CSMD3: variants seen among roughly 807,000 people sequenced by gnomAD.
CSMD3 encodes the protein CUB and sushi domain-containing protein 3.
In CSMD3, 177 loss-of-function variants were observed where a neutral mutation model predicts 435.2. The ratio of observed to expected loss-of-function variants is 0.41; its 90% CI spans 0.36 to 0.46. CSMD3 has a LOEUF of 0.46. CSMD3 is among the 20% of genes least tolerant of loss of function. CSMD3 has a pLI of 0.34. For missense variants in CSMD3, 4,265 were observed against 4,504.6 expected (o/e 0.95, Z 1.52); for synonymous variants, 1,656 against 1,520.5 (o/e 1.09, Z -2.07).
At position 112,573,621 on chromosome 8, in the gene CSMD3, C is replaced by A. The variant is rs1355008081; in HGVS notation, c.3922G>T (p.Gly1308Cys). 1 of 1,612,744 alleles carries A rather than the reference C, an allele frequency of 6.2e-7. No individual in the cohort carries two copies. The highest frequency in any genetic ancestry group is 8.5e-7 in the Non-Finnish European group (1 of 1,179,024). ...CGCATAGATGCACCAGTAAAAGCAC[C>A]TAGTAGATGAGTCGTTTTATCTTTT... is the stretch of plus-strand genomic sequence containing the variant. ...DGKDKTTHLLGAFTGASMRGL... is the reference protein window; with the variant it reads ...DGKDKTTHLLCAFTGASMRGL... Residue 1308 changes from glycine to cysteine, a missense_variant, in exon 24 of 71, where the codon GGT becomes TGT. Gly to Cys is a radical substitution (Grantham distance 159). This residue lies in a region of CSMD3 where 3,255 missense variants were observed against 3,380.2 expected (regional missense o/e 0.96). Coordinates refer to ENST00000297405, the MANE Select transcript of CSMD3 (RefSeq NM_198123.2).
intron 4 of CSMD3, among the ~76,000 whole-genome samples, chr8:113,157,910 A>G (rs2091963828): frequency 6.6e-6 from 1 of 152,138 alleles, no homozygotes; most frequent in Non-Finnish European, 1.5e-5. Flanking sequence ...TGAATTTTAA[A>G]TCATAACATT....
At chr8:112,824,815 G>A (rs2079630377) in intron 12 of CSMD3, among the ~76,000 whole-genome samples, 1 of 152,100 alleles carries the variant, frequency 6.6e-6, no homozygotes. Flanking sequence ...TATCTTAGTG[G>A]TGTTCTCTGT....
intron 5 of CSMD3, among the ~76,000 whole-genome samples, chr8:113,045,775 C>T (rs16884296): frequency 0.1 from 15,155 of 149,014 alleles, 1,741 homozygotes; most frequent in African/African-American, 0.2. Flanking sequence ...CTCACCAGCA[C>T]GAAACTCGGC....
intron 8 of CSMD3, among the ~76,000 whole-genome samples, chr8:112,952,745 T>C (rs1449121126): frequency 6.6e-6 from 1 of 151,554 alleles, no homozygotes; most frequent in African/African-American, 2.4e-5. Context: ...AAGATTTTTA[T>C]AGAAAATACA....
At chr8:112,865,686 C>CCA (rs3220985) in intron 10 of CSMD3, among the ~76,000 whole-genome samples, 4,288 of 43,074 alleles carry the variant, frequency 0.1, 83 homozygotes, top group Non-Finnish European at 0.17. Context: ...TTTACATACC[C>CCA]CACACACACA....
At chr8:112,653,960 C>A (rs1360557126) in intron 18 of CSMD3, among the ~76,000 whole-genome samples, 2 of 151,886 alleles carry the variant, frequency 1.3e-5, no homozygotes, top group African/African-American at 4.8e-5. Context: ...ACCCAGCCAA[C>A]CTTATCTTAT....
At chr8:112,443,825 A>G (rs1478440675) in intron 32 of CSMD3, among the ~76,000 whole-genome samples, 1 of 152,068 alleles carries the variant, frequency 6.6e-6, no homozygotes, top group African/African-American at 2.4e-5. Context: ...GCTATTTATT[A>G]ATTTAATTTA....
At chr8:113,408,685 G>T (rs1451077726) in intron 1 of CSMD3, among the ~76,000 whole-genome samples, 2 of 144,276 alleles carry the variant, frequency 1.4e-5, no homozygotes, top group Non-Finnish European at 3.0e-5. Context: ...ACAGAGTCTT[G>T]CTCGCTCTGT....
intron 19 of CSMD3, among the ~76,000 whole-genome samples, chr8:112,646,325 G>T (rs546749762): frequency 6.6e-6 from 1 of 152,182 alleles, no homozygotes; most frequent in African/African-American, 2.4e-5. Context: ...CTTTCAGAAA[G>T]GACACCAGAC....
chr8:112,955,610 T>G (rs1436376105), intron 7 of CSMD3, among the ~76,000 whole-genome samples: 1 of 151,860 alleles, frequency 6.6e-6, no homozygotes, highest in Non-Finnish European at 1.5e-5. Flanking sequence ...ACTTATGTCT[T>G]CTTATCCTTC....
intron 3 of CSMD3, among the ~76,000 whole-genome samples, chr8:113,191,572 A>AC (rs1415489926): frequency 6.6e-6 from 1 of 151,556 alleles, no homozygotes; most frequent in Non-Finnish European, 1.5e-5. Flanking sequence ...CCAAAAAAAA[A>AC]ACAAAACAAA....
chr8:113,412,139 GA>G (rs2094562485), intron 1 of CSMD3, among the ~76,000 whole-genome samples: 1 of 152,040 alleles, frequency 6.6e-6, no homozygotes, highest in Admixed American at 6.6e-5. Flanking sequence ...CAAGAGAGGA[GA>G]AATCACTTGG....
intron 22 of CSMD3, among the ~76,000 whole-genome samples, chr8:112,590,862 A>G (rs548560023): frequency 6.6e-6 from 1 of 152,200 alleles, no homozygotes; most frequent in East Asian, 1.9e-4. Flanking sequence ...GTCTTGATCC[A>G]GAGTGAGTTT....
intron 31 of CSMD3, among the ~76,000 whole-genome samples, chr8:112,474,792 C>G (rs1401035769): frequency 1.3e-5 from 2 of 152,270 alleles, no homozygotes; most frequent in South Asian, 2.1e-4. Context: ...ACAACACAAA[C>G]AGTACGTTGT....
chr8:113,069,676 A>G (rs980663208), intron 5 of CSMD3, among the ~76,000 whole-genome samples: 1 of 152,060 alleles, frequency 6.6e-6, no homozygotes. Flanking sequence ...TTACTTTCCA[A>G]TACTCCTTCC....
intron 13 of CSMD3, among the ~76,000 whole-genome samples, chr8:112,739,182 T>C (rs1465728789): frequency 6.6e-6 from 1 of 151,790 alleles, no homozygotes; most frequent in Non-Finnish European, 1.5e-5. Flanking sequence ...AATAATAGAA[T>C]TTGAAATAGA....
At chr8:112,869,817 G>A (rs1437735579) in intron 10 of CSMD3, among the ~76,000 whole-genome samples, 1 of 152,138 alleles carries the variant, frequency 6.6e-6, no homozygotes, top group African/African-American at 2.4e-5. Flanking sequence ...TCACTCATAA[G>A]TGGAAGTTGA....
intron 2 of CSMD3, chr8:113,312,494 T>C (rs2093877224): frequency 6.6e-6 from 1 of 152,168 alleles, no homozygotes; most frequent in Non-Finnish European, 1.5e-5. Context: ...TTTATTTTCC[T>C]AACTTCGCAA....
At chr8:113,113,909 G>GA (rs2090743232) in intron 4 of CSMD3, among the ~76,000 whole-genome samples, 1 of 152,172 alleles carries the variant, frequency 6.6e-6, no homozygotes. Context: ...ACAGGCAGTT[G>GA]AATGGTTAAG....
Sources: gnomAD v4.1 joint callset for allele counts (sites outside exome capture counted in the v4.1 genomes callset) on GRCh38, gnomAD v4.1.1 for gene constraint, gnomAD v4.1.1 regional missense constraint, MANE v1.5 for transcripts, NCBI Gene and HGNC (gene_info 2026-07-23, HGNC 2026-07-21) for gene names.